Variants in PUS7 observed in about 807,000 individuals in gnomAD.
PUS7 encodes the protein pseudouridine synthase 7, also known as pseudouridylate synthase 7 homolog.
A neutral mutation model predicts 79.8 loss-of-function variants in PUS7; 48 were observed. The observed-to-expected ratio is 0.60, with a 90% confidence interval of 0.48 to 0.76. The LOEUF (loss-of-function observed/expected upper bound fraction) is 0.76. Among genes scored for constraint, PUS7 ranks in the 30% least tolerant of loss-of-function variants. The pLI is 0.00. For synonymous variants in PUS7, 286 were observed against 272.2 expected (o/e 1.05, Z -0.50); for missense variants, 729 against 797.6 (o/e 0.91, Z 1.04).
At chr7:105,459,726 T>G (rs982695731) in intron 14 of PUS7, among the ~76,000 whole-genome samples, 1 of 151,938 alleles carries the variant, frequency 6.6e-6, no homozygotes, top group Non-Finnish European at 1.5e-5. Flanking sequence ...CGTGAGCCAC[T>G]GTGCCTGAAT....
chr7:105,486,805 A>G (rs1824568325), intron 7 of PUS7, among the ~76,000 whole-genome samples: 1 of 152,056 alleles, frequency 6.6e-6, no homozygotes, highest in South Asian at 2.1e-4. Flanking sequence ...CACGCCTGTA[A>G]TCCCAGCACT....
Position 105,457,285 on chromosome 7 carries a change from T to A in PUS7, c.*505A>T, listed in dbSNP as rs1026215990. ...CATAAGCAGGATAATGACAATCACTTTTTGTTTATAAATTTGTAGATGTCT... is the reference window on the plus strand; with the variant it reads ...CATAAGCAGGATAATGACAATCACTATTTGTTTATAAATTTGTAGATGTCT... On this transcript the variant is annotated 3_prime_UTR_variant, in exon 16 of 16. Transcript: ENST00000469408. The A allele has an allele frequency of 1.3e-5, 2 of 152,246 alleles. No homozygotes were observed. Among genetic ancestry groups the A allele is most frequent in the Admixed American group, 6.5e-5 (1 of 15,280 alleles). The allele number at this position is 152,246 out of a possible 1,614,324, so 9.4% of individuals were successfully genotyped here.
At chr7:105,475,748 G>C (rs1013055230) in intron 9 of PUS7, among the ~76,000 whole-genome samples, 2 of 151,956 alleles carry the variant, frequency 1.3e-5, no homozygotes, top group African/African-American at 4.8e-5. Context: ...GTGGCATTAA[G>C]TGCATTTACA....
intron 7 of PUS7, among the ~76,000 whole-genome samples, chr7:105,486,766 T>C (rs1824566939): frequency 6.6e-6 from 1 of 151,656 alleles, no homozygotes; most frequent in Non-Finnish European, 1.5e-5. Context: ...TAACATAATA[T>C]AAAATTCACA....
At chr7:105,490,913 A>C (rs985967018) in intron 7 of PUS7, among the ~76,000 whole-genome samples, 10 of 152,190 alleles carry the variant, frequency 6.6e-5, no homozygotes, top group Non-Finnish European at 1.3e-4. Context: ...TAGTGGGTAG[A>C]GACTAGGGAT....
intron 5 of PUS7, among the ~76,000 whole-genome samples, chr7:105,496,520 C>T (rs985589780): frequency 6.6e-6 from 1 of 152,032 alleles, no homozygotes; most frequent in Admixed American, 6.6e-5. Context: ...AAAAATAATC[C>T]TTTTTCATGA....
intron 1 of PUS7, among the ~76,000 whole-genome samples, chr7:105,508,970 G>A (rs1319591895): frequency 1.3e-5 from 2 of 150,220 alleles, no homozygotes; most frequent in African/African-American, 2.5e-5. Flanking sequence ...CACAAGGTCA[G>A]GGGTTCGAGA....
intron 14 of PUS7, among the ~76,000 whole-genome samples, chr7:105,459,875 C>T (rs999340317): frequency 2.0e-5 from 3 of 152,084 alleles, no homozygotes; most frequent in Admixed American, 6.5e-5. Flanking sequence ...TCAAGACCAG[C>T]GTGGGTAACA....
intron 9 of PUS7, among the ~76,000 whole-genome samples, chr7:105,474,496 T>C (rs933434949): frequency 1.3e-5 from 2 of 151,706 alleles, no homozygotes; most frequent in South Asian, 2.1e-4. Flanking sequence ...AGGCCGGGCA[T>C]GGTGGCTCAC....
At chr7:105,486,171 G>C (rs1033888643) in intron 7 of PUS7, among the ~76,000 whole-genome samples, 2 of 151,800 alleles carry the variant, frequency 1.3e-5, no homozygotes, top group African/African-American at 4.8e-5. Context: ...TCTGCCCCCA[G>C]CCTCTCAAGT....
Position 105,472,164 on chromosome 7 carries a change from A to C in PUS7, c.1205T>G (p.Val402Gly), listed in dbSNP as rs1823900933. ...GCGGGGTTTCAATATTAAATCCATG[A>C]CTTCTGTCCAGGAATTTTGTAGTAT... The part of the protein sequence containing the change: ...RAILQNSWTE[V>G]MDLILKPRSG... Residue 402 changes from valine (V) to glycine (G), a missense_variant, in exon 10 of 16, where the codon GTC (valine) becomes GGC (glycine). By Grantham distance (109) the Val-to-Gly change is moderately radical (BLOSUM62 -3). Transcript: ENST00000469408. 1 of 1,600,574 alleles carries C rather than the reference A, an allele frequency of 6.2e-7. No homozygotes were observed. Among genetic ancestry groups the C allele is most frequent in the Non-Finnish European group, 8.6e-7 (1 of 1,169,366 alleles).
In PUS7 at chr7:105,506,459, G is replaced by C. The variant is rs1394141720; in HGVS notation, c.399-186C>G. 2.7e-5 allele frequency among the ~76,000 whole-genome samples: 4 copies of C among 147,708 alleles called. No homozygotes were observed. The East Asian group carries it at 5.9e-4, about 22-fold the overall frequency. On this transcript the variant is annotated intron_variant, in intron 2 of 15. Coordinates refer to ENST00000469408, the MANE Select transcript of PUS7 (RefSeq NM_019042.5). ...TTTTTTTGAGATGGAGCCTTGCTCTGTTGCCTAGGCTGGAGTGCAGTGGCT... is the reference window on the plus strand; with the variant it reads ...TTTTTTTGAGATGGAGCCTTGCTCTCTTGCCTAGGCTGGAGTGCAGTGGCT...
intron 1 of PUS7, among the ~76,000 whole-genome samples, chr7:105,511,488 C>T (rs1027269239): frequency 1.3e-5 from 2 of 149,610 alleles, no homozygotes; most frequent in Non-Finnish European, 1.5e-5. Context: ...TCAGGCCAGG[C>T]GCATGGCTCA....
intron 7 of PUS7, among the ~76,000 whole-genome samples, chr7:105,485,358 C>T (rs554556839): frequency 1.3e-5 from 2 of 152,222 alleles, no homozygotes; most frequent in East Asian, 3.9e-4. Flanking sequence ...TACAGGCATG[C>T]GGCACCATGC....
At chr7:105,466,724 T>C (rs965088161) in intron 12 of PUS7, among the ~76,000 whole-genome samples, 2 of 147,016 alleles carry the variant, frequency 1.4e-5, no homozygotes, top group Non-Finnish European at 3.0e-5. Context: ...AGTGGCATCA[T>C]AAATGGATGC....
chr7:105,492,984 G>A (rs902300853), intron 6 of PUS7, among the ~76,000 whole-genome samples: 2 of 152,164 alleles, frequency 1.3e-5, no homozygotes, highest in Non-Finnish European at 2.9e-5. Context: ...GTGGCTATTA[G>A]TAAATAACTG....
At chr7:105,495,331 C>G in intron 5 of PUS7, 78 bp from the exon 6 acceptor site, 2 of 816,040 alleles carry the variant, frequency 2.5e-6, no homozygotes, top group Non-Finnish European at 4.1e-6. Flanking sequence ...CGCTATAGAA[C>G]CTTTGAGTGG....
At chr7:105,467,776 C>T (rs1260926210) in intron 12 of PUS7, among the ~76,000 whole-genome samples, 3 of 151,822 alleles carry the variant, frequency 2.0e-5, no homozygotes, top group African/African-American at 7.3e-5. Context: ...CACTTGTAAT[C>T]CCAGCACTTT....
At chr7:105,521,134 A>G (rs1826091575) in intron 1 of PUS7, among the ~76,000 whole-genome samples, 2 of 130,542 alleles carry the variant, frequency 1.5e-5, no homozygotes, top group Admixed American at 7.7e-5. Context: ...CCTTTTCAAT[A>G]GTGTTGTACA....
Sources: allele counts gnomAD v4.1 joint callset (sites outside exome capture counted in the v4.1 genomes callset), GRCh38; gene constraint gnomAD v4.1.1; transcripts MANE v1.5; gene names NCBI Gene and HGNC (gene_info 2026-07-23, HGNC 2026-07-21).